The following TFIP11 variants were observed in gnomAD, a reference collection of about 807,000 sequenced individuals.
TFIP11 encodes tuftelin interacting protein 11, also known as tuftelin-interacting protein 11.
In TFIP11, 86 loss-of-function variants were observed where a neutral mutation model predicts 96.8. The ratio of observed to expected loss-of-function variants is 0.89; its 90% CI spans 0.75 to 1.06. TFIP11 has a LOEUF of 1.06. Among genes scored for constraint, TFIP11 ranks in the 50% least tolerant of loss-of-function variants. The pLI is 0.00. For synonymous variants in TFIP11, 405 were observed against 395.2 expected, an observed-to-expected ratio of 1.02 and a Z score of -0.29; for missense variants, 881 against 1,076.7, an observed-to-expected ratio of 0.82 and a Z score of 2.54.
intron 4 of TFIP11, among the ~76,000 whole-genome samples, chr22:26,507,148 C>T (rs758674439): frequency 3.9e-5 from 6 of 152,288 alleles, no homozygotes; most frequent in Middle Eastern, 3.4e-3. Context: ...TATCCCTCTA[C>T]GGCTGAAGAG....
intron 10 of TFIP11, among the ~76,000 whole-genome samples, chr22:26,498,392 A>C (rs2147129587): frequency 6.6e-6 from 1 of 152,168 alleles, no homozygotes; most frequent in South Asian, 2.1e-4. Flanking sequence ...AAAATACAAA[A>C]ATTAGCTGGG....
intron 10 of TFIP11, chr22:26,498,575 A>G (rs2147130090): frequency 4.3e-6 from 1 of 230,146 alleles, no homozygotes; most frequent in Non-Finnish European, 8.4e-6. Context: ...TACAAATTGG[A>G]TTCAATGTAT....
At chr22:26,498,746 C>A in intron 10 of TFIP11, 123 bp downstream of exon 10, 3 of 714,814 alleles carry the variant, frequency 4.2e-6, no homozygotes, top group Non-Finnish European at 7.2e-6. Flanking sequence ...ATTCCTAAAG[C>A]ACTGTCAGCA....
At chr22:26,508,177 A>G (rs1923649201) in intron 4 of TFIP11, among the ~76,000 whole-genome samples, 1 of 152,228 alleles carries the variant, frequency 6.6e-6, no homozygotes. Flanking sequence ...CTAGTAATTC[A>G]ACACCCTCAG....
intron 6 of TFIP11, 72 bp downstream of exon 6, chr22:26,506,231 T>A (rs1923387288): frequency 6.8e-7 from 1 of 1,461,432 alleles, no homozygotes; most frequent in Admixed American, 2.5e-5. Flanking sequence ...AAAGCAAACC[T>A]CCTCTCCCAA....
In TFIP11 at chr22:26,495,549, T is replaced by C. The variant is rs555630151; in HGVS notation, c.1849+524A>G. ...GACATAGCGATTCTTAAAATATATA[T>C]GTGTATATATATACACATATATATA... On this transcript the variant is annotated intron_variant, in intron 12 of 14. Coordinates refer to ENST00000407690, the MANE Select transcript of TFIP11 (RefSeq NM_012143.4). Among the ~76,000 whole-genome samples, 89 of 77,978 alleles carry C rather than the reference T, an allele frequency of 1.1e-3. 11 individuals are homozygous for C. The highest frequency in any genetic ancestry group is 7.2e-3 in the Middle Eastern group (1 of 138). 51.2% of individuals were successfully genotyped at this position (77,978 alleles called of 152,430 possible).
At chr22:26,503,815 AAAAG>A (rs1334970185) in intron 6 of TFIP11, 22 bp from the exon 7 acceptor site, 1 of 1,610,704 alleles carries the variant, frequency 6.2e-7, no homozygotes, top group East Asian at 2.2e-5. Context: ...CAGCAAAAAA[AAAAG>A]AGAGTCTTAC....
intron 4 of TFIP11, 122 bp from the exon 5 acceptor site, chr22:26,507,050 A>G (rs1923509416): frequency 8.4e-7 from 1 of 1,192,520 alleles, no homozygotes; most frequent in Non-Finnish European, 1.1e-6. Context: ...AGGTTTTTTA[A>G]AAAAGTAACA....
chr22:26,498,499 C>T (rs142582386), intron 10 of TFIP11, among the ~76,000 whole-genome samples: 2,420 of 145,228 alleles, frequency 0.017, 30 homozygotes, highest in Middle Eastern at 0.061. Flanking sequence ...GCTGCGATCA[C>T]GCCACTGCAC....
At chr22:26,511,450 C>T (rs1209180227) in intron 2 of TFIP11, 1 of 152,170 alleles carries the variant, frequency 6.6e-6, no homozygotes, top group East Asian at 1.9e-4. Context: ...ATCCTTCAAT[C>T]CAATCAAGTT....
chr22:26,492,817 A>G (rs1709937830), intron 14 of TFIP11: 1 of 177,636 alleles, frequency 5.6e-6, no homozygotes, highest in Non-Finnish European at 1.2e-5. Context: ...AAGTTCACAT[A>G]TATTTAGGGA....
intron 6 of TFIP11, among the ~76,000 whole-genome samples, chr22:26,504,761 A>G (rs1923205634): frequency 6.6e-6 from 1 of 152,116 alleles, no homozygotes; most frequent in African/African-American, 2.4e-5. Context: ...TTTTCAACAC[A>G]TAACCTGGAT....
At position 26,502,154 on chromosome 22, in the gene TFIP11, G is replaced by A; in HGVS notation, c.649-102C>T. On this transcript the variant is annotated intron_variant, in intron 7 of 14. Transcript: ENST00000407690. ...GCAGATGTCACCATTCACTGTCTTAGATTTATTTACAAGCTCTATATGAAG... is the reference window on the plus strand; with the variant it reads ...GCAGATGTCACCATTCACTGTCTTAAATTTATTTACAAGCTCTATATGAAG... The A allele has an allele frequency of 3.5e-6, 5 of 1,445,322 alleles. No homozygotes were observed. In the South Asian group the frequency reaches 5.8e-5, roughly 17 times the overall value. 89.5% of individuals were successfully genotyped at this position (1,445,322 alleles called of 1,614,324 possible).
At position 26,493,762 on chromosome 22, in the gene TFIP11, G is replaced by C. The variant is rs143229044; in HGVS notation, c.2158+377C>G. On this transcript the variant is annotated intron_variant, in intron 14 of 14. Transcript: ENST00000407690. ...GATTAAGGCTGAGCAATCACCAAGT[G>C]TCAGACCGCGTGCCAAACTCCACAC... The C allele has an allele frequency of 2.8e-3, 622 of 218,662 alleles. 11 individuals carry two copies. The highest frequency in any genetic ancestry group is 1.8e-3 in the Middle Eastern group (1 of 546). The allele number at this position is 218,662 out of a possible 1,614,324, so 13.5% of individuals were successfully genotyped here.
At chr22:26,508,738 G>A (rs1923708621) in intron 4 of TFIP11, among the ~76,000 whole-genome samples, 1 of 152,006 alleles carries the variant, frequency 6.6e-6, no homozygotes, top group Non-Finnish European at 1.5e-5. Context: ...CCAGCTACTC[G>A]GGAGGCTGAG....
chr22:26,491,975 A>T lies in TFIP11; in HGVS notation c.*38T>A. The T allele has an allele frequency of 6.5e-7, 1 of 1,536,462 alleles. No homozygotes were observed. Among genetic ancestry groups the T allele is most frequent in the Non-Finnish European group, 8.8e-7 (1 of 1,132,056 alleles). On this transcript the variant is annotated 3_prime_UTR_variant, in exon 15 of 15. Coordinates refer to ENST00000407690, the MANE Select transcript of TFIP11 (RefSeq NM_012143.4). The stretch of plus-strand genomic sequence containing the variant: ...TGTTTATTTACAGTACATCCCTCTT[A>T]GGGGCAAGTCTCTGACTGGTTCTGG...
At position 26,499,410 on chromosome 22, in the gene TFIP11, C is replaced by A; in HGVS notation, c.1023G>T (p.Gln341His). 2 of 1,614,150 alleles carry A rather than the reference C, an allele frequency of 1.2e-6. No individual in the cohort carries two copies. The highest frequency in any genetic ancestry group is 1.7e-6 in the Non-Finnish European group (2 of 1,179,998). ...TEQEIIQNDR[Q>H]LQYERDMVVN... is the part of the protein sequence containing the mutation. ...CCACCATGTCCCGCTCATACTGTAG[C>A]TGCCGGTCATTCTGGATGATCTCCT... The change falls in exon 9 of 15, where the codon CAG becomes CAT. Residue 341 changes from glutamine to histidine, a missense_variant. Transcript: ENST00000407690.
rs1438568609 is a variant in TFIP11 at position 26,503,858 on chromosome 22, G to T, written c.521-65C>A. On this transcript the variant is annotated intron_variant, in intron 6 of 14. Coordinates refer to ENST00000407690, the MANE Select transcript of TFIP11 (RefSeq NM_012143.4). ...CACAGCAATTCATGTATGTGAATCAGCCACTCAGTGAAATGACAGTTTCTT... is the reference window on the plus strand; with the variant it reads ...CACAGCAATTCATGTATGTGAATCATCCACTCAGTGAAATGACAGTTTCTT... 25 of 1,580,874 alleles carry T rather than the reference G, an allele frequency of 1.6e-5. No homozygotes were observed. The East Asian group carries it at 4.7e-4, about 30-fold the overall frequency.
In TFIP11 at chr22:26,491,879, T is replaced by C; in HGVS notation, c.*134A>G. ...CATTGTCCCATTTTACATCCTTCCC[T>C]CATGACCTGGCCTGATGTGGAGTAG... On this transcript the variant is annotated 3_prime_UTR_variant, in exon 15 of 15. Coordinates refer to ENST00000407690, the MANE Select transcript of TFIP11 (RefSeq NM_012143.4). 1 of 1,027,910 alleles carries C rather than the reference T, an allele frequency of 9.7e-7. No individual in the cohort carries two copies. Among genetic ancestry groups the C allele is most frequent in the Non-Finnish European group, 1.4e-6 (1 of 715,544 alleles). 63.7% of individuals were successfully genotyped at this position (1,027,910 alleles called of 1,614,324 possible).
Sources: allele counts gnomAD v4.1 joint callset (sites outside exome capture counted in the v4.1 genomes callset), GRCh38; gene constraint gnomAD v4.1.1; transcripts MANE v1.5; gene names NCBI Gene and HGNC (gene_info 2026-07-23, HGNC 2026-07-21).